Variants in ZNF804B observed in about 807,000 individuals in gnomAD.
ZNF804B encodes the protein zinc finger 804B.
ZNF804B carries 80 observed loss-of-function variants against 101.4 expected under a neutral mutation model. The ratio of observed to expected loss-of-function variants is 0.79; its 90% CI spans 0.66 to 0.95. ZNF804B has a LOEUF of 0.95. ZNF804B is among the 40% of genes least tolerant of loss of function. The pLI, the probability that ZNF804B is intolerant of heterozygous loss-of-function variation, is 0.00. For synonymous variants in ZNF804B, 622 were observed against 558.8 expected, an observed-to-expected ratio of 1.11 and a Z score of -1.59; for missense variants, 1,673 against 1,561.9, an observed-to-expected ratio of 1.07 and a Z score of -1.20.
At chr7:89,070,515 T>G (rs118100909) in intron 1 of ZNF804B, among the ~76,000 whole-genome samples, 2,462 of 152,264 alleles carry the variant, frequency 0.016, 28 homozygotes, top group Non-Finnish European at 0.025. Context: ...TAATACCATC[T>G]CAATTACTTC....
intron 1 of ZNF804B, among the ~76,000 whole-genome samples, chr7:89,039,647 G>A (rs1351155042): frequency 2.7e-5 from 3 of 111,236 alleles, no homozygotes; most frequent in South Asian, 2.8e-4. Context: ...TTCTCTTCAA[G>A]TGTCTTTTTT....
At chr7:89,221,824 T>C (rs920660321) in intron 2 of ZNF804B, among the ~76,000 whole-genome samples, 1 of 151,834 alleles carries the variant, frequency 6.6e-6, no homozygotes, top group African/African-American at 2.4e-5. Context: ...CATTCTAACT[T>C]TCCTGGGTAT....
rs1386524327 is a variant in ZNF804B at position 89,260,096 on chromosome 7, C to A, written c.249+41801C>A. Among the ~76,000 whole-genome samples the A allele has an allele frequency of 3.3e-5, 5 of 152,200 alleles. No homozygotes were observed. In the East Asian group the frequency reaches 9.6e-4, roughly 29 times the overall value. ...AGCCCCTTACTGGGGCTTGTGTCTT[C>A]ATGGACAAAGCATCAGTGAAATTAA... On this transcript the variant is annotated intron_variant, in intron 2 of 3. Coordinates refer to ENST00000333190, the MANE Select transcript of ZNF804B (RefSeq NM_181646.5).
At chr7:89,301,022 T>G (rs1233584052) in intron 2 of ZNF804B, among the ~76,000 whole-genome samples, 1 of 150,806 alleles carries the variant, frequency 6.6e-6, no homozygotes, top group Non-Finnish European at 1.5e-5. Context: ...AAACAGAACT[T>G]GCTGAGGAAT....
intron 1 of ZNF804B, among the ~76,000 whole-genome samples, chr7:89,171,539 T>A (rs890317741): frequency 7.9e-5 from 12 of 151,712 alleles, no homozygotes; most frequent in Non-Finnish European, 1.8e-4. Flanking sequence ...GGTTCAAGCA[T>A]TTCTTCTGCC....
chr7:89,267,871 T>C (rs1474594108), intron 2 of ZNF804B, among the ~76,000 whole-genome samples: 1 of 152,152 alleles, frequency 6.6e-6, no homozygotes, highest in African/African-American at 2.4e-5. Context: ...AAATCTGATT[T>C]GTGACATATT....
intron 1 of ZNF804B, among the ~76,000 whole-genome samples, chr7:88,796,049 T>G (rs1790478027): frequency 6.6e-6 from 1 of 152,132 alleles, no homozygotes; most frequent in South Asian, 2.1e-4. Context: ...CATATCTGAA[T>G]CTATCTAATG....
At chr7:88,972,639 A>G (rs1178389922) in intron 1 of ZNF804B, among the ~76,000 whole-genome samples, 1 of 151,412 alleles carries the variant, frequency 6.6e-6, no homozygotes, top group African/African-American at 2.4e-5. Flanking sequence ...AAGTGTTGAT[A>G]TAAGAGGTAC....
chr7:89,172,134 G>A (rs62463563), intron 1 of ZNF804B, among the ~76,000 whole-genome samples: 1 of 152,120 alleles, frequency 6.6e-6, no homozygotes, highest in Non-Finnish European at 1.5e-5. Context: ...AGCATAATAA[G>A]TTGTGAACTA....
At chr7:89,074,403 C>A (rs907864204) in intron 1 of ZNF804B, among the ~76,000 whole-genome samples, 1 of 152,110 alleles carries the variant, frequency 6.6e-6, no homozygotes, top group Non-Finnish European at 1.5e-5. Context: ...AGCGGCAGGT[C>A]TTTCCTGTGC....
chr7:89,266,513 A>G (rs1411711114), intron 2 of ZNF804B, among the ~76,000 whole-genome samples: 2 of 152,190 alleles, frequency 1.3e-5, no homozygotes, highest in East Asian at 3.8e-4. Flanking sequence ...AAACTATAAT[A>G]TGATTTCCTG....
At chr7:89,147,573 G>A (rs1790809988) in intron 1 of ZNF804B, among the ~76,000 whole-genome samples, 1 of 151,968 alleles carries the variant, frequency 6.6e-6, no homozygotes, top group African/African-American at 2.4e-5. Flanking sequence ...TGGTCCCCAT[G>A]CCCTGGGCTG....
At chr7:88,968,781 A>G (rs954316631) in intron 1 of ZNF804B, among the ~76,000 whole-genome samples, 8 of 151,640 alleles carry the variant, frequency 5.3e-5, no homozygotes, top group African/African-American at 1.9e-4. Flanking sequence ...CAAGAGTTAT[A>G]AAAAGAAGTA....
At chr7:89,306,973 G>A (rs979918106) in intron 2 of ZNF804B, among the ~76,000 whole-genome samples, 1 of 151,878 alleles carries the variant, frequency 6.6e-6, no homozygotes, top group Non-Finnish European at 1.5e-5. Flanking sequence ...AAATGTAATT[G>A]CTATTGCCAA....
chr7:88,928,423 A>G (rs1792837425), intron 1 of ZNF804B, among the ~76,000 whole-genome samples: 1 of 152,200 alleles, frequency 6.6e-6, no homozygotes, highest in African/African-American at 2.4e-5. Flanking sequence ...CAGCTGTGCA[A>G]GCAATAAGTA....
chr7:89,031,038 G>T (rs1212852429), intron 1 of ZNF804B, among the ~76,000 whole-genome samples: 1 of 151,644 alleles, frequency 6.6e-6, no homozygotes, highest in East Asian at 1.9e-4. Context: ...GGGGTTGGGG[G>T]AGGGATAGTG....
chr7:89,062,042 G>A (rs1188047001), intron 1 of ZNF804B, among the ~76,000 whole-genome samples: 2 of 151,988 alleles, frequency 1.3e-5, no homozygotes, highest in Admixed American at 6.6e-5. Context: ...GCTAGTGCTC[G>A]AGGCAGACTG....
chr7:89,290,805 G>T (rs1404485794), intron 2 of ZNF804B, among the ~76,000 whole-genome samples: 3 of 152,144 alleles, frequency 2.0e-5, no homozygotes, highest in Non-Finnish European at 4.4e-5. Context: ...ATAGGTGATA[G>T]TTGGGTAGTA....
chr7:88,782,320 C>T (rs1790241352), intron 1 of ZNF804B, among the ~76,000 whole-genome samples: 1 of 152,050 alleles, frequency 6.6e-6, no homozygotes, highest in Non-Finnish European at 1.5e-5. Flanking sequence ...TAGAAATAAT[C>T]TGCATTATTT....
Sources: allele counts gnomAD v4.1 joint callset (sites outside exome capture counted in the v4.1 genomes callset), GRCh38; gene constraint gnomAD v4.1.1; transcripts MANE v1.5; gene names NCBI Gene and HGNC (gene_info 2026-07-23, HGNC 2026-07-21).